PCNT: variants seen among roughly 807,000 people sequenced by gnomAD.
PCNT encodes the protein pericentrin.
PCNT carries 319 observed loss-of-function variants against 380.4 expected under a neutral mutation model. That is an observed-to-expected ratio of 0.84 (90% CI 0.77 to 0.92). The LOEUF (loss-of-function observed/expected upper bound fraction) is 0.92. Ranked by LOEUF, PCNT falls within the 40% of genes least tolerant of loss-of-function variation. PCNT has a pLI of 0.00. For missense variants in PCNT, 4,400 were observed against 4,255.3 expected, an observed-to-expected ratio of 1.03 and a Z score of -0.95; for synonymous variants, 1,845 against 1,735.2, an observed-to-expected ratio of 1.06 and a Z score of -1.57.
At chr21:46,430,715 G>A (rs916847127) in intron 37 of PCNT, 58 bp downstream of exon 37, 1 of 1,548,950 alleles carries the variant, frequency 6.5e-7, no homozygotes, top group African/African-American at 1.4e-5. Context: ...GAAGCCTGAA[G>A]CCATGCTCCT....
At chr21:46,347,344 G>A (rs568707111) in intron 5 of PCNT, 113 bp from the exon 6 acceptor site, 7 of 1,028,404 alleles carry the variant, frequency 6.8e-6, no homozygotes, top group East Asian at 2.4e-5. Context: ...CTGCTAGCCC[G>A]TGAATGCTGG....
intron 26 of PCNT, 32 bp from the exon 27 acceptor site, chr21:46,402,299 T>G: frequency 6.8e-7 from 1 of 1,460,194 alleles, no homozygotes; most frequent in African/African-American, 1.4e-5. Context: ...TAGATGACTT[T>G]TAATACTTTT....
In PCNT at chr21:46,390,776, TGAA is replaced by T. The variant is rs969689074; in HGVS notation, c.3949_3951del (p.Lys1317del). 2 of 1,612,816 alleles carry T rather than the reference TGAA, an allele frequency of 1.2e-6. No individual in the cohort carries two copies. Among genetic ancestry groups the T allele is most frequent in the African/African-American group, 2.7e-5 (2 of 74,832 alleles). ...AAGCACCAGGAGCTGCTGGAGTGTT[TGAA>T]GGAGGAGAGCGCAGCAAAGGCAGAG... On this transcript the variant is annotated inframe_deletion, in exon 20 of 47. Transcript: ENST00000359568.
chr21:46,344,799 C>G (rs1295469313), intron 3 of PCNT, among the ~76,000 whole-genome samples: 1 of 152,180 alleles, frequency 6.6e-6, no homozygotes, highest in East Asian at 1.9e-4. Flanking sequence ...CTTTTCTTTT[C>G]CCTTTGGGTT....
At chr21:46,358,628 GT>G (rs35030158) in intron 13 of PCNT, among the ~76,000 whole-genome samples, 180 of 142,170 alleles carry the variant, frequency 1.3e-3, no homozygotes, top group African/African-American at 3.6e-3. Context: ...TTGTTGTTTT[GT>G]TTTTTTTTTT....
chr21:46,421,563 C>T (rs2087250132), intron 31 of PCNT, among the ~76,000 whole-genome samples: 1 of 152,230 alleles, frequency 6.6e-6, no homozygotes, highest in Non-Finnish European at 1.5e-5. Flanking sequence ...TCATTGGATG[C>T]CCGTCCGCTG....
chr21:46,443,801 C>T lies in PCNT; in HGVS notation c.9701-9C>T, dbSNP rs1051800919. 2.5e-6 allele frequency: 4 copies of T among 1,613,654 alleles called. No individual in the cohort carries two copies. Among genetic ancestry groups the T allele is most frequent in the Non-Finnish European group, 2.5e-6 (3 of 1,179,898 alleles). ...CTAATCCCTTGGTTGTTAAATAATT[C>T]TGGGGAAGGGCCCCGAGCACGACAG... On this transcript the variant is annotated splice_polypyrimidine_tract_variant and intron_variant, in intron 44 of 46. Coordinates refer to ENST00000359568, the MANE Select transcript of PCNT (RefSeq NM_006031.6).
At chr21:46,333,944 T>C (rs371322928) in intron 2 of PCNT, among the ~76,000 whole-genome samples, 197 of 149,182 alleles carry the variant, frequency 1.3e-3, no homozygotes, top group Middle Eastern at 3.7e-3. Context: ...TGGTGGCTCA[T>C]GCCTGTAATC....
chr21:46,401,625 A>T lies in PCNT; in HGVS notation c.4866A>T (p.Ala1622=). The change falls in exon 26 of 47, where the codon GCA becomes GCT. Residue 1622 remains alanine, a synonymous_variant. Coordinates refer to ENST00000359568, the MANE Select transcript of PCNT (RefSeq NM_006031.6). The part of the protein sequence containing the change: ...LASTLQSTLD[A]GRCPEPPSGS... ...CCACGTTGCAGTCTACACTAGATGC[A>T]GGCAGATGTCCCGAGCCTCCTTCGG... 1 of 1,614,054 alleles carries T rather than the reference A, an allele frequency of 6.2e-7. No homozygotes were observed. Among genetic ancestry groups the T allele is most frequent in the East Asian group, 2.2e-5 (1 of 44,882 alleles).
At chr21:46,414,810 G>A (rs2086953736) in intron 29 of PCNT, among the ~76,000 whole-genome samples, 1 of 141,334 alleles carries the variant, frequency 7.1e-6, no homozygotes, top group Non-Finnish European at 1.5e-5. Flanking sequence ...TCCTGGACAT[G>A]CAGCCGCCCA....
chr21:46,354,242 C>T (rs1483652491), intron 11 of PCNT, among the ~76,000 whole-genome samples, 174 bp downstream of exon 11: 1 of 152,164 alleles, frequency 6.6e-6, no homozygotes, highest in Non-Finnish European at 1.5e-5. Flanking sequence ...CCTCACCATG[C>T]ACTGTTTGAT....
rs1309185222 is a variant in PCNT, at chr21:46,431,916, T to A, written c.8452T>A (p.Ser2818Thr). The A allele has an allele frequency of 6.2e-7, 1 of 1,613,942 alleles. No individual in the cohort carries two copies. Among genetic ancestry groups the A allele is most frequent in the East Asian group, 2.2e-5 (1 of 44,890 alleles). Residue 2818 changes from serine to threonine, a missense_variant, in exon 38 of 47, where the codon TCT becomes ACT. Ser to Thr is a moderately conservative substitution (Grantham distance 58). Coordinates refer to ENST00000359568, the MANE Select transcript of PCNT (RefSeq NM_006031.6). ...AAAGGTGCAGCAGCAAGCCCTGCAT[T>A]CTCAGCAGCAGCTTGAGGCTGAGGC... ...LEKVQQQALH[S>T]QQQLEAEAQK...
In PCNT at chr21:46,416,425, G is replaced by A; in HGVS notation, c.6507G>A (p.Leu2169=). The change falls in exon 30 of 47, where the codon TTG becomes TTA. Residue 2169 remains leucine (L), a synonymous_variant. Coordinates refer to ENST00000359568, the MANE Select transcript of PCNT (RefSeq NM_006031.6). ...ATGTTATCAAAAATTGGGATTCCTT[G>A]ATACCAGATGAAATGCCAGATTCTC... ...VTDVIKNWDS[L]IPDEMPDSPI... 6.2e-7 allele frequency: 1 copy of A among 1,614,220 alleles called. No homozygotes were observed.
At chr21:46,327,273 A>G (rs764466421) in intron 2 of PCNT, among the ~76,000 whole-genome samples, 3 of 151,998 alleles carry the variant, frequency 2.0e-5, no homozygotes, top group African/African-American at 4.8e-5. Context: ...GTTAGCCAGG[A>G]TGGTCTCAAT....
rs769557050 is a variant in PCNT at position 46,436,469 on chromosome 21, G to GCCCCCCCCCCCCCCCCCCCCCCCC, written c.8996+321_8996+322insCCCCCCCCCCCCCCCCCCCCCCCC. On this transcript the variant is annotated intron_variant, in intron 39 of 46. Coordinates refer to ENST00000359568, the MANE Select transcript of PCNT (RefSeq NM_006031.6). The stretch of plus-strand genomic sequence containing the variant: ...CAGGGTCGGGTTTGGAGCCTCCTGT[G>GCCCCCCCCCCCCCCCCCCCCCCCC]GCCCCCCCCCCCCCCCCCCGCTGGC... Among the ~76,000 whole-genome samples, 12 of 40,032 alleles carry GCCCCCCCCCCCCCCCCCCCCCCCC rather than the reference G, an allele frequency of 3.0e-4. 5 individuals carry two copies. Among genetic ancestry groups the GCCCCCCCCCCCCCCCCCCCCCCCC allele is most frequent in the Admixed American group, 5.9e-4 (2 of 3,384 alleles). 26.3% of individuals were successfully genotyped at this position (40,032 alleles called of 152,430 possible).
chr21:46,356,683 C>T (rs1297629071), intron 12 of PCNT, among the ~76,000 whole-genome samples: 8 of 152,236 alleles, frequency 5.3e-5, no homozygotes, highest in Admixed American at 5.2e-4. Context: ...TCACATGTCA[C>T]ACCTGACCTG....
chr21:46,372,556 T>G (rs1351939595), intron 15 of PCNT, among the ~76,000 whole-genome samples: 1 of 152,224 alleles, frequency 6.6e-6, no homozygotes, highest in African/African-American at 2.4e-5. Flanking sequence ...AAATAATTGA[T>G]AATTTATTTG....
chr21:46,370,416 C>A (rs938607903), intron 15 of PCNT, among the ~76,000 whole-genome samples: 3 of 151,442 alleles, frequency 2.0e-5, no homozygotes, highest in South Asian at 2.1e-4. Context: ...GAGGCTGGGG[C>A]TCATCCTGGG....
chr21:46,436,213 C>G, intron 39 of PCNT, 65 bp downstream of exon 39: 1 of 1,581,526 alleles, frequency 6.3e-7, no homozygotes, highest in Non-Finnish European at 8.6e-7. Context: ...CCAGACCCGG[C>G]CCGAGGGCTG....
Sources: allele counts gnomAD v4.1 joint callset (sites outside exome capture counted in the v4.1 genomes callset), GRCh38; gene constraint gnomAD v4.1.1; transcripts MANE v1.5; gene names NCBI Gene and HGNC (gene_info 2026-07-23, HGNC 2026-07-21).